Variants in TAF7L observed in about 807,000 individuals in gnomAD.
TAF7L encodes TATA-box binding protein associated factor 7 like, also known as transcription initiation factor TFIID subunit 7-like.
Under a neutral mutation model 30.2 loss-of-function variants are expected in TAF7L, and 6 were observed. That is an observed-to-expected ratio of 0.20 (90% CI 0.11 to 0.39). The LOEUF (loss-of-function observed/expected upper bound fraction) is 0.39, where lower values mean the gene tolerates loss of function less well. Ranked by LOEUF, TAF7L falls within the 10% of genes least tolerant of loss-of-function variation. The pLI is 1.00. For synonymous variants in TAF7L, 93 were observed against 94.5 expected (o/e 0.98, Z 0.09); for missense variants, 284 against 277.1 (o/e 1.03, Z -0.18).
At chrX:101,282,657 C>T (rs186807866) in intron 4 of TAF7L, among the ~76,000 whole-genome samples, 1 of 110,466 alleles carries the variant, frequency 9.1e-6, no homozygotes, top group East Asian at 2.8e-4. Context: ...CCACCAGCAG[C>T]ACTACATATG....
intron 1 of TAF7L, among the ~76,000 whole-genome samples, chrX:101,288,804 CAA>C (rs576463775): frequency 3.0e-3 from 333 of 110,977 alleles, no homozygotes; most frequent in South Asian, 6.0e-3. Context: ...ATGGGGTACA[CAA>C]TGATGTTATG....
At chrX:101,273,149 T>C (rs1375152384) in intron 12 of TAF7L, among the ~76,000 whole-genome samples, 1 of 112,116 alleles carries the variant, frequency 8.9e-6, no homozygotes, top group Non-Finnish European at 1.9e-5. Context: ...AAAATCTATA[T>C]TCTTTCAATC....
chrX:101,272,599 A>G (rs987563083), intron 12 of TAF7L, among the ~76,000 whole-genome samples: 3 of 111,736 alleles, frequency 2.7e-5, no homozygotes, highest in Non-Finnish European at 3.8e-5. Context: ...TAGAAACTAG[A>G]TGAGTGGTTG....
At chrX:101,279,285 T>C (rs943011966) in intron 6 of TAF7L, among the ~76,000 whole-genome samples, 9 of 112,227 alleles carry the variant, frequency 8.0e-5, no homozygotes, top group Non-Finnish European at 1.5e-4. Context: ...AGCAAGGTTT[T>C]CTATAGCTAT....
At chrX:101,287,630 T>C in intron 1 of TAF7L, 85 bp from the exon 2 acceptor site, 1 of 677,788 alleles carries the variant, frequency 1.5e-6, no homozygotes, top group East Asian at 3.3e-5. Flanking sequence ...CTGGTAGTAC[T>C]GGCTAAATTA....
rs780948020 is a variant in TAF7L, at chrX:101,277,700, T to C, written c.597A>G (p.Glu199=). ...GACTTTCTATTTCCTTGGTTCCATC[T>C]TCAGCAATGACTTCCCAACCTGAAA... ...AVSTRWEVIA[E]DGTKEIESQG... Residue 199 remains glutamate (E), a synonymous_variant, in exon 9 of 13, where the codon GAA becomes GAG. Transcript: ENST00000356784. The C allele has an allele frequency of 1.7e-6, 2 of 1,200,257 alleles. No homozygotes were observed. The highest frequency in any genetic ancestry group is 3.6e-5 in the South Asian group (2 of 55,392).
intron 1 of TAF7L, 114 bp downstream of exon 1, chrX:101,291,110 T>A (rs1924779749): frequency 4.0e-6 from 1 of 250,420 alleles, no homozygotes; most frequent in Admixed American, 9.2e-5. Context: ...GGTCCCAGCC[T>A]TCGCGCCTCG....
chrX:101,271,537 CTT>C (rs1000877026), intron 12 of TAF7L, among the ~76,000 whole-genome samples: 2 of 111,507 alleles, frequency 1.8e-5, no homozygotes, highest in African/African-American at 6.5e-5. Context: ...AAATGGTACA[CTT>C]ATATAGGGCA....
intron 1 of TAF7L, among the ~76,000 whole-genome samples, chrX:101,289,705 C>A (rs1360635130): frequency 9.0e-6 from 1 of 110,562 alleles, no homozygotes; most frequent in African/African-American, 3.3e-5. Flanking sequence ...ATCTCAGCCT[C>A]CTGAGTAGCT....
chrX:101,277,487 C>A (rs1322829024), intron 9 of TAF7L, 119 bp downstream of exon 9: 9 of 365,472 alleles, frequency 2.5e-5, no homozygotes, highest in African/African-American at 1.2e-4. Context: ...AGGACGAAAC[C>A]ATCCTTTTTT....
rs201872370 is a variant in TAF7L at position 101,282,392 on chromosome X, G to A, written c.341C>T (p.Thr114Ile). ...HLSPEEPAAS[T>I]DPNIVRKKER... Reference sequence around the variant, plus strand: ...TTTTTTCCTGACTATATTAGGATCAGTAGAGGCAGCTGGTTCTTCTGGAGA... The same window carrying A: ...TTTTTTCCTGACTATATTAGGATCAATAGAGGCAGCTGGTTCTTCTGGAGA... Residue 114 changes from threonine to isoleucine, a missense_variant, in exon 5 of 13, where the codon ACT (threonine) becomes ATT (isoleucine). Thr to Ile is a moderately conservative substitution (Grantham distance 89, BLOSUM62 -1). Transcript: ENST00000356784. 27 of 1,208,488 alleles carry A rather than the reference G, an allele frequency of 2.2e-5. No homozygotes were observed. Among genetic ancestry groups the A allele is most frequent in the Non-Finnish European group, 2.9e-5 (26 of 894,187 alleles).
chrX:101,286,425 A>G, intron 3 of TAF7L, 150 bp downstream of exon 3: 1 of 403,898 alleles, frequency 2.5e-6, no homozygotes, highest in Non-Finnish European at 4.2e-6. Context: ...AAAGAAGAGG[A>G]CTTAAGCCTC....
At chrX:101,292,815 GGC>G (rs1924873130), upstream of TAF7L, 1 of 1,207,999 alleles carries the variant, frequency 8.3e-7, no homozygotes, top group Non-Finnish European at 1.1e-6. Flanking sequence ...AGTTTTCTGG[GGC>G]CTGGGCAGCA....
At chrX:101,286,414 A>G (rs985648484) in intron 3 of TAF7L, among the ~76,000 whole-genome samples, 161 bp downstream of exon 3, 1 of 111,160 alleles carries the variant, frequency 9.0e-6, no homozygotes, top group Admixed American at 9.6e-5. Flanking sequence ...CTTTCCTCTT[A>G]AAAGAAGAGG....
At chrX:101,282,138 G>A (rs982836414) in intron 5 of TAF7L, among the ~76,000 whole-genome samples, 189 bp downstream of exon 5, 2 of 110,763 alleles carry the variant, frequency 1.8e-5, no homozygotes, top group South Asian at 3.9e-4. Context: ...CACCCGCCTC[G>A]GCCTCCCAAA....
chrX:101,274,611 G>A (rs1924097372), intron 12 of TAF7L, among the ~76,000 whole-genome samples: 1 of 110,876 alleles, frequency 9.0e-6, no homozygotes, highest in Non-Finnish European at 1.9e-5. Flanking sequence ...TGTGAGTGTG[G>A]GTGTGAGTGT....
chrX:101,291,831 A>G (rs1602966056), upstream of TAF7L, among the ~76,000 whole-genome samples: 1 of 103,229 alleles, frequency 9.7e-6, no homozygotes, highest in Non-Finnish European at 2.0e-5. Context: ...GCGCCACTGC[A>G]CTCCAGCCTG....
At chrX:101,270,090 T>G (rs958080050) in intron 12 of TAF7L, among the ~76,000 whole-genome samples, 3 of 111,988 alleles carry the variant, frequency 2.7e-5, no homozygotes, top group African/African-American at 9.7e-5. Context: ...AGGAGCCTGA[T>G]GATGTTCTAC....
intron 3 of TAF7L, among the ~76,000 whole-genome samples, chrX:101,285,001 G>A (rs1394071085): frequency 9.0e-6 from 1 of 110,878 alleles, no homozygotes; most frequent in Non-Finnish European, 1.9e-5. Flanking sequence ...TTGTGTATAC[G>A]TATCACATTT....
Sources: allele counts gnomAD v4.1 joint callset (sites outside exome capture counted in the v4.1 genomes callset), GRCh38; gene constraint gnomAD v4.1.1; transcripts MANE v1.5; gene names NCBI Gene and HGNC (gene_info 2026-07-23, HGNC 2026-07-21).